PMEPA1: variants seen among roughly 807,000 people sequenced by gnomAD.
The protein encoded by PMEPA1 is prostate transmembrane protein, androgen induced 1, also known as protein TMEPAI.
In PMEPA1, 11 loss-of-function variants were observed where a neutral mutation model predicts 23.0. That is an observed-to-expected ratio of 0.48 (90% confidence interval 0.30 to 0.79). The LOEUF is 0.79. PMEPA1 is among the 30% of genes least tolerant of loss of function. PMEPA1 has a pLI of 0.06. For synonymous variants in PMEPA1, 204 were observed against 166.4 expected, an observed-to-expected ratio of 1.23 and a Z score of -1.74; for missense variants, 377 against 390.9, an observed-to-expected ratio of 0.96 and a Z score of 0.30.
At chr20:57,710,096 T>G, upstream of PMEPA1, 31 of 875,898 alleles carry the variant, frequency 3.5e-5, no homozygotes, top group East Asian at 8.2e-5. Context: ...CCCGCCGAGG[T>G]TCCCCCGCAC....
At position 57,652,122 on chromosome 20, in the gene PMEPA1, G is replaced by T. The variant is rs749690245; in HGVS notation, c.795C>A (p.His265Gln). ...LLEGTRLHHT[H>Q]IAPLESAAIW... ...TGGCTGCGCTCTCTAGGGGCGCGATGTGTGTGTGGTGGAGCCGGGTCCCCT... is the reference window on the plus strand; with the variant it reads ...TGGCTGCGCTCTCTAGGGGCGCGATTTGTGTGTGGTGGAGCCGGGTCCCCT... The change falls in exon 4 of 4, where the codon CAC (histidine) becomes CAA (glutamine). Residue 265 changes from histidine to glutamine, a missense_variant. His to Gln is a conservative substitution (Grantham distance 24, BLOSUM62 0). Transcript: ENST00000341744. The surrounding 1 kb of genome is among the most constrained non-coding windows in gnomAD (Gnocchi z 6.1). The T allele has an allele frequency of 1.9e-6, 3 of 1,589,762 alleles. No homozygotes were observed. The highest frequency in any genetic ancestry group is 2.6e-6 in the Non-Finnish European group (3 of 1,167,442).
rs1182289378 is a variant in PMEPA1 at position 57,701,189 on chromosome 20, A to G, written c.109+8285T>C. ...CCCCATTCCCATTAACAACAGGTAC[A>G]TATTAGAATGTGCTGGAGCATTAGG... On this transcript the variant is annotated intron_variant, in intron 1 of 3. Transcript: ENST00000341744. 2.6e-5 allele frequency among the ~76,000 whole-genome samples: 4 copies of G among 152,130 alleles called. No individual in the cohort carries two copies. In the East Asian group the frequency reaches 5.8e-4, roughly 22 times the overall value.
chr20:57,694,745 G>A (rs1232273717), intron 1 of PMEPA1, among the ~76,000 whole-genome samples: 1 of 152,254 alleles, frequency 6.6e-6, no homozygotes, highest in Middle Eastern at 3.2e-3. Context: ...AGGGCTGCAT[G>A]TGGTGCTGTG....
chr20:57,659,034 G>A (rs1207760597), intron 2 of PMEPA1, among the ~76,000 whole-genome samples: 3 of 152,196 alleles, frequency 2.0e-5, no homozygotes, highest in African/African-American at 4.8e-5. Context: ...ACTCAGCCTC[G>A]AGAGATGTGG....
At chr20:57,705,825 G>GT (rs1327043112) in intron 1 of PMEPA1, among the ~76,000 whole-genome samples, 1 of 152,158 alleles carries the variant, frequency 6.6e-6, no homozygotes, top group African/African-American at 2.4e-5. Flanking sequence ...AGGGGTGCTG[G>GT]TATCTAGTGG....
intron 1 of PMEPA1, among the ~76,000 whole-genome samples, chr20:57,671,338 G>T (rs1182791169): frequency 6.6e-6 from 1 of 152,140 alleles, no homozygotes; most frequent in Non-Finnish European, 1.5e-5. Flanking sequence ...GAGGAGAGTG[G>T]ACGACAAATG....
intron 1 of PMEPA1, among the ~76,000 whole-genome samples, chr20:57,687,464 C>T (rs564605078): frequency 6.6e-6 from 1 of 152,352 alleles, no homozygotes; most frequent in African/African-American, 2.4e-5. Context: ...CACATACCTA[C>T]AGCCACTCCC....
In PMEPA1 at chr20:57,700,244, G is replaced by A. The variant is rs2071993487; in HGVS notation, c.109+9230C>T. The A allele has an allele frequency of 6.8e-6, 3 of 438,178 alleles. No individual in the cohort carries two copies. In the Admixed American group the frequency reaches 7.7e-5, roughly 11 times the overall value. The allele number at this position is 438,178 out of a possible 1,614,324, so 27.1% of individuals were successfully genotyped here. A position where few individuals can be genotyped will look rare whatever the true frequency, so the allele number is the denominator to read the frequency against. The stretch of plus-strand genomic sequence containing the variant: ...CTGACAGACCCCTCCACAGGCCCAT[G>A]CTTTACCGAACATGTTCGGGGGAAC... On this transcript the variant is annotated intron_variant, in intron 1 of 3. Coordinates refer to ENST00000341744, the MANE Select transcript of PMEPA1 (RefSeq NM_020182.5).
At chr20:57,665,805 G>T (rs1167121225) in intron 1 of PMEPA1, among the ~76,000 whole-genome samples, 2 of 152,224 alleles carry the variant, frequency 1.3e-5, no homozygotes, top group African/African-American at 4.8e-5. Context: ...CTGGACCCAA[G>T]GCCCCTCAGG....
At chr20:57,703,478 C>A (rs1287607196) in intron 1 of PMEPA1, among the ~76,000 whole-genome samples, 1 of 152,188 alleles carries the variant, frequency 6.6e-6, no homozygotes, top group Non-Finnish European at 1.5e-5. Flanking sequence ...CCTTGTACCC[C>A]CTCTTCCAGC....
rs11467205 is a variant in PMEPA1, at chr20:57,683,554, C to CGTGTGTGTGTGTGT, written c.110-23871_110-23858dup. Among the ~76,000 whole-genome samples the CGTGTGTGTGTGTGT allele has an allele frequency of 2.0e-4, 21 of 106,426 alleles. No homozygotes were observed. The highest frequency in any genetic ancestry group is 1.2e-3 in the East Asian group (6 of 4,950). The allele number at this position is 106,426 out of a possible 152,430, so 69.8% of individuals were successfully genotyped here. ...CGGTGGTGGTGTTCTGGCCTGTGTGCGTGTGTGTGTGTGTGTGTGTGTGTG... is the reference window on the plus strand; with the variant it reads ...CGGTGGTGGTGTTCTGGCCTGTGTGCGTGTGTGTGTGTGTGTGTGTGTGTGTGTGTGTGTGTGTG... On this transcript the variant is annotated intron_variant, in intron 1 of 3. Coordinates refer to ENST00000341744, the MANE Select transcript of PMEPA1 (RefSeq NM_020182.5). The surrounding 1 kb of genome is among the most constrained non-coding windows in gnomAD (Gnocchi z 4.3).
intron 1 of PMEPA1, among the ~76,000 whole-genome samples, chr20:57,670,766 CT>C (rs1172091267): frequency 6.6e-6 from 1 of 152,190 alleles, no homozygotes; most frequent in Non-Finnish European, 1.5e-5. Flanking sequence ...CACTGGTACC[CT>C]GTTCTAGTTT....
chr20:57,661,994 G>A (rs1366715613), intron 1 of PMEPA1, among the ~76,000 whole-genome samples: 1 of 151,650 alleles, frequency 6.6e-6, no homozygotes, highest in African/African-American at 2.4e-5. Flanking sequence ...TCTGCACCCA[G>A]GGCTCAGCGT....
intron 1 of PMEPA1, among the ~76,000 whole-genome samples, chr20:57,684,131 G>A (rs757747772): frequency 2.6e-5 from 4 of 152,172 alleles, no homozygotes; most frequent in South Asian, 2.1e-4. Context: ...AGCTGCCCAC[G>A]CCTGACTCCC....
chr20:57,700,679 G>T (rs1488884590), intron 1 of PMEPA1, among the ~76,000 whole-genome samples: 1 of 152,138 alleles, frequency 6.6e-6, no homozygotes, highest in East Asian at 1.9e-4. Context: ...TTTTCTGCCA[G>T]TAGAGCCATT....
At chr20:57,685,766 G>T (rs945967163) in intron 1 of PMEPA1, among the ~76,000 whole-genome samples, 3 of 152,154 alleles carry the variant, frequency 2.0e-5, no homozygotes, top group Non-Finnish European at 4.4e-5. Flanking sequence ...ACACCTAGTA[G>T]CAGCAATTTT....
At chr20:57,702,345 A>G (rs1041722504) in intron 1 of PMEPA1, among the ~76,000 whole-genome samples, 1 of 152,188 alleles carries the variant, frequency 6.6e-6, no homozygotes, top group Non-Finnish European at 1.5e-5. Context: ...TGGTGCTGGT[A>G]TGTCAGAGAT....
In PMEPA1 at chr20:57,648,999, T is replaced by C. The variant is rs2071185379; in HGVS notation, c.*3054A>G. The C allele has an allele frequency of 6.6e-6, 1 of 152,086 alleles. No individual in the cohort carries two copies. The highest frequency in any genetic ancestry group is 1.5e-5 in the Non-Finnish European group (1 of 68,016). 9.4% of individuals were successfully genotyped at this position (152,086 alleles called of 1,614,324 possible). On this transcript the variant is annotated 3_prime_UTR_variant, in exon 4 of 4. Transcript: ENST00000341744. ...CACGGACGGTTCTTAGCACAATTTG[T>C]GAAATCTGTGTAGAACCGGGCTTTG...
intron 1 of PMEPA1, among the ~76,000 whole-genome samples, chr20:57,672,841 A>C (rs1198905410): frequency 6.6e-6 from 1 of 152,102 alleles, no homozygotes; most frequent in Non-Finnish European, 1.5e-5. Context: ...TCCAACCCCC[A>C]GCTCTCCCCA....
Sources: allele counts gnomAD v4.1 joint callset (sites outside exome capture counted in the v4.1 genomes callset), GRCh38; gene constraint gnomAD v4.1.1; non-coding constraint Gnocchi (gnomAD v3.1); transcripts MANE v1.5; gene names NCBI Gene and HGNC (gene_info 2026-07-23, HGNC 2026-07-21).